GRIK2: variants seen among roughly 807,000 people sequenced by gnomAD.
GRIK2 encodes glutamate receptor ionotropic, kainate 2.
GRIK2 carries 32 observed loss-of-function variants against 100.3 expected under a neutral mutation model. The ratio of observed to expected loss-of-function variants is 0.32; its 90% CI spans 0.24 to 0.43. The LOEUF (loss-of-function observed/expected upper bound fraction) is 0.43, where lower values mean the gene tolerates loss of function less well. Ranked by LOEUF, GRIK2 falls within the 20% of genes least tolerant of loss-of-function variation. GRIK2 has a pLI of 1.00. For missense variants in GRIK2, 843 were observed against 1,114.9 expected, an observed-to-expected ratio of 0.76 and a Z score of 3.47; for synonymous variants, 417 against 389.4, an observed-to-expected ratio of 1.07 and a Z score of -0.83.
intron 2 of GRIK2, among the ~76,000 whole-genome samples, chr6:101,469,581 A>C (rs922757371): frequency 2.6e-5 from 4 of 152,148 alleles, no homozygotes; most frequent in African/African-American, 4.8e-5. Flanking sequence ...TACCTGTATA[A>C]ATTTAGTACA....
chr6:101,670,363 A>G (rs1398454293), intron 4 of GRIK2, among the ~76,000 whole-genome samples: 1 of 152,114 alleles, frequency 6.6e-6, no homozygotes, highest in East Asian at 1.9e-4. Context: ...TCACTCTTCA[A>G]TGTTATTCCC....
intron 14 of GRIK2, among the ~76,000 whole-genome samples, chr6:102,023,769 T>G (rs918250162): frequency 2.6e-5 from 4 of 151,482 alleles, no homozygotes; most frequent in Non-Finnish European, 5.9e-5. Flanking sequence ...CATTGATAGT[T>G]GAGTTACTCC....
In GRIK2 at chr6:101,499,730, A is replaced by G. The variant is rs9498601; in HGVS notation, c.115+100338A>G. Among the ~76,000 whole-genome samples, 437 of 152,272 alleles carry G rather than the reference A, an allele frequency of 2.9e-3. 3 individuals are homozygous for G. Among genetic ancestry groups the G allele is most frequent in the African/African-American group, 0.01 (426 of 41,568 alleles). On this transcript the variant is annotated intron_variant, in intron 2 of 16. Coordinates refer to ENST00000369134, the MANE Select transcript of GRIK2 (RefSeq NM_021956.5). ...TTAAGTCATAGTATATACTATGCCTAATATAGTATAACTTATATACTATGT... is the reference window on the plus strand; with the variant it reads ...TTAAGTCATAGTATATACTATGCCTGATATAGTATAACTTATATACTATGT...
chr6:101,851,846 G>A (rs1784148254), intron 10 of GRIK2, among the ~76,000 whole-genome samples: 3 of 151,248 alleles, frequency 2.0e-5, no homozygotes, highest in Non-Finnish European at 4.4e-5. Flanking sequence ...ATATTCACAT[G>A]GAGTTTGGAA....
chr6:101,419,444 A>C (rs1197386222), intron 2 of GRIK2, among the ~76,000 whole-genome samples: 1 of 152,216 alleles, frequency 6.6e-6, no homozygotes, highest in Non-Finnish European at 1.5e-5. Flanking sequence ...GATTCTCTAC[A>C]GCTACAGTGG....
chr6:101,438,775 A>G (rs1758354590), intron 2 of GRIK2, among the ~76,000 whole-genome samples: 1 of 152,162 alleles, frequency 6.6e-6, no homozygotes, highest in African/African-American at 2.4e-5. Flanking sequence ...CTTTAAAATC[A>G]TAGTCACAGA....
rs751937601 is a variant in GRIK2 at position 102,035,536 on chromosome 6, T to G, written c.2281T>G (p.Ser761Ala). ...GACACAGATTGGCGGCCTTATAGACTCTAAAGGTTATGGCGTTGGCACTCC... is the reference window on the plus strand; with the variant it reads ...GACACAGATTGGCGGCCTTATAGACGCTAAAGGTTATGGCGTTGGCACTCC... ...NLTQIGGLID[S>A]KGYGVGTPMG... is the part of the protein sequence containing the mutation. The change falls in exon 15 of 17, where the codon TCT becomes GCT. Residue 761 changes from serine to alanine, a missense_variant. Coordinates refer to ENST00000369134, the MANE Select transcript of GRIK2 (RefSeq NM_021956.5). The G allele has an allele frequency of 3.8e-5, 61 of 1,606,674 alleles. No homozygotes were observed. Among genetic ancestry groups the G allele is most frequent in the Non-Finnish European group, 1.3e-5 (15 of 1,174,406 alleles).
intron 16 of GRIK2, among the ~76,000 whole-genome samples, chr6:102,067,622 T>A (rs949340402): frequency 1.3e-5 from 2 of 151,808 alleles, no homozygotes; most frequent in African/African-American, 4.8e-5. Flanking sequence ...AGATGGGAAC[T>A]AAGACAAAAG....
chr6:101,763,911 T>C (rs1286605073), intron 7 of GRIK2, among the ~76,000 whole-genome samples: 1 of 152,100 alleles, frequency 6.6e-6, no homozygotes, highest in Non-Finnish European at 1.5e-5. Context: ...ATAGTACCGG[T>C]GTTTGCACAA....
chr6:101,610,180 G>T (rs918529253), intron 2 of GRIK2, among the ~76,000 whole-genome samples: 3 of 151,276 alleles, frequency 2.0e-5, no homozygotes, highest in South Asian at 2.1e-4. Flanking sequence ...ATTGCTTAAA[G>T]AAACTGCAAA....
intron 9 of GRIK2, among the ~76,000 whole-genome samples, chr6:101,811,378 T>G (rs993672750): frequency 2.4e-4 from 36 of 152,244 alleles, no homozygotes; most frequent in African/African-American, 8.4e-4. Flanking sequence ...TGTTGTCTAA[T>G]GGAAAACTAT....
At chr6:101,398,754 A>G (rs1349361348) in intron 1 of GRIK2, 2 of 354,844 alleles carry the variant, frequency 5.6e-6, no homozygotes, top group African/African-American at 4.2e-5. Flanking sequence ...TGCATAATAG[A>G]TATTGGGGAG....
At chr6:102,049,553 G>T (rs1771066740) in intron 15 of GRIK2, among the ~76,000 whole-genome samples, 1 of 152,104 alleles carries the variant, frequency 6.6e-6, no homozygotes. Context: ...ATAGATGGAA[G>T]CCTTTACTTT....
chr6:101,537,429 TGTGTGTGTGTGTTTGTGTGTGTGTGC>T (rs998502220), intron 2 of GRIK2, among the ~76,000 whole-genome samples: 2 of 112,554 alleles, frequency 1.8e-5, no homozygotes, highest in African/African-American at 6.8e-5. Context: ...TGTGTGTGTT[TGTGTGTGTGTGTTTGTGTGTGTGTGC>T]GTGTGTGTGT....
At chr6:102,001,915 T>C (rs1445263717) in intron 14 of GRIK2, among the ~76,000 whole-genome samples, 1 of 151,894 alleles carries the variant, frequency 6.6e-6, no homozygotes, top group Admixed American at 6.6e-5. Flanking sequence ...AATTTAATTT[T>C]ATCAGAAATT....
chr6:101,703,405 G>A (rs60718374), intron 7 of GRIK2, among the ~76,000 whole-genome samples: 139 of 151,962 alleles, frequency 9.1e-4, no homozygotes, highest in African/African-American at 3.3e-3. Context: ...GGTCAATTGT[G>A]TCAAATCAAG....
intron 4 of GRIK2, among the ~76,000 whole-genome samples, chr6:101,628,531 T>C (rs1424200758): frequency 1.3e-5 from 2 of 152,112 alleles, no homozygotes; most frequent in African/African-American, 4.8e-5. Context: ...AGTTCTGTGT[T>C]CCAATTTTGA....
intron 2 of GRIK2, among the ~76,000 whole-genome samples, chr6:101,610,758 T>G (rs1056996280): frequency 3.3e-5 from 5 of 151,844 alleles, no homozygotes; most frequent in South Asian, 2.1e-4. Context: ...ACTTTTCGCC[T>G]TTTCTTTTCA....
chr6:102,051,733 C>T (rs991352757), intron 15 of GRIK2, among the ~76,000 whole-genome samples: 4 of 152,122 alleles, frequency 2.6e-5, no homozygotes, highest in African/African-American at 9.7e-5. Flanking sequence ...TGTCTACCTT[C>T]CTCCACTCAT....
Sources: gnomAD v4.1 joint callset for allele counts (sites outside exome capture counted in the v4.1 genomes callset) on GRCh38, gnomAD v4.1.1 for gene constraint, MANE v1.5 for transcripts, NCBI Gene and HGNC (gene_info 2026-07-23, HGNC 2026-07-21) for gene names.